DOCK4: variants seen among roughly 807,000 people sequenced by gnomAD.
The protein encoded by DOCK4 is dedicator of cytokinesis 4, also known as dedicator of cytokinesis protein 4.
DOCK4 carries 97 observed loss-of-function variants against 268.1 expected under a neutral mutation model. That is an observed-to-expected ratio of 0.36 (90% CI 0.31 to 0.43). The LOEUF is 0.43. DOCK4 is among the 20% of genes least tolerant of loss of function. The pLI is 1.00. For missense variants in DOCK4, 2,145 were observed against 2,455.7 expected (o/e 0.87, Z 2.67); for synonymous variants, 954 against 887.2 (o/e 1.08, Z -1.34).
At chr7:111,777,593 T>C (rs1338757512) in intron 36 of DOCK4, among the ~76,000 whole-genome samples, 2 of 152,196 alleles carry the variant, frequency 1.3e-5, no homozygotes, top group Admixed American at 6.5e-5. Flanking sequence ...ATGAGACCTA[T>C]ATAGTTGTAA....
At chr7:112,138,734 A>G (rs4727762) in intron 1 of DOCK4, among the ~76,000 whole-genome samples, 48,265 of 152,018 alleles carry the variant, frequency 0.32, 9,567 homozygotes, top group South Asian at 0.46. Flanking sequence ...CAGTTTGGAG[A>G]TGGGGCCTCT....
chr7:112,170,458 C>CT (rs1298749888), intron 1 of DOCK4, among the ~76,000 whole-genome samples: 1 of 151,640 alleles, frequency 6.6e-6, no homozygotes, highest in Non-Finnish European at 1.5e-5. Context: ...AATACCCCGT[C>CT]TTAAAAAAAA....
intron 1 of DOCK4, among the ~76,000 whole-genome samples, chr7:112,187,533 CTT>C (rs1819580579): frequency 6.6e-6 from 1 of 152,156 alleles, no homozygotes; most frequent in African/African-American, 2.4e-5. Flanking sequence ...TTTTACAAGT[CTT>C]TGTCTGATTT....
chr7:112,184,916 G>A (rs1274259162), intron 1 of DOCK4, among the ~76,000 whole-genome samples: 1 of 152,094 alleles, frequency 6.6e-6, no homozygotes, highest in African/African-American at 2.4e-5. Context: ...CTCATGCTTG[G>A]AAAGCACTTT....
chr7:112,006,851 T>A (rs571853717), intron 1 of DOCK4, among the ~76,000 whole-genome samples: 1 of 152,340 alleles, frequency 6.6e-6, no homozygotes, highest in East Asian at 1.9e-4. Flanking sequence ...CAGCATCTCA[T>A]GAGGCCCTTA....
At chr7:111,984,955 G>A (rs1229483008) in intron 6 of DOCK4, among the ~76,000 whole-genome samples, 2 of 152,226 alleles carry the variant, frequency 1.3e-5, no homozygotes, top group Non-Finnish European at 2.9e-5. Context: ...AATGGGGGAA[G>A]AGTTTTGGGC....
intron 13 of DOCK4, among the ~76,000 whole-genome samples, chr7:111,910,889 G>A (rs1292954045): frequency 1.3e-5 from 2 of 152,214 alleles, no homozygotes; most frequent in African/African-American, 4.8e-5. Flanking sequence ...TGATGACTCA[G>A]AAGCATATGG....
In DOCK4 at chr7:111,728,177, A is replaced by T; in HGVS notation, c.*97T>A. On this transcript the variant is annotated 3_prime_UTR_variant, in exon 53 of 53. Coordinates refer to ENST00000428084, the MANE Select transcript of DOCK4 (RefSeq NM_001363540.2). Reference sequence around the variant, plus strand: ...TTAATTCCATTCATCGAAGGAGCTGAGTAAGTTATTAAAGTGCCTACACTA... The same window carrying T: ...TTAATTCCATTCATCGAAGGAGCTGTGTAAGTTATTAAAGTGCCTACACTA... 1.0e-5 allele frequency: 9 copies of T among 885,108 alleles called. No individual in the cohort carries two copies. Among genetic ancestry groups the T allele is most frequent in the Non-Finnish European group, 1.4e-5 (9 of 649,332 alleles). The allele number at this position is 885,108 out of a possible 1,614,324, so 54.8% of individuals were successfully genotyped here.
chr7:111,771,804 A>T (rs1354016443), intron 36 of DOCK4, among the ~76,000 whole-genome samples: 1 of 152,120 alleles, frequency 6.6e-6, no homozygotes, highest in Non-Finnish European at 1.5e-5. Flanking sequence ...ATTCACACCT[A>T]AGGGCCTCAC....
intron 1 of DOCK4, among the ~76,000 whole-genome samples, chr7:112,080,440 T>C (rs1808476914): frequency 6.6e-6 from 1 of 152,228 alleles, no homozygotes; most frequent in Admixed American, 6.5e-5. Context: ...GAGCTTCCTT[T>C]TTCATGTAGG....
At chr7:111,969,856 C>G (rs1003021544) in intron 8 of DOCK4, among the ~76,000 whole-genome samples, 2 of 152,150 alleles carry the variant, frequency 1.3e-5, no homozygotes, top group African/African-American at 4.8e-5. Context: ...AAAGGAGACA[C>G]AGTAGCAAAT....
chr7:111,798,813 T>C (rs1200848927), intron 30 of DOCK4, among the ~76,000 whole-genome samples: 1 of 152,262 alleles, frequency 6.6e-6, no homozygotes, highest in African/African-American at 2.4e-5. Context: ...ACATTTATAC[T>C]AACTCCAAGT....
At chr7:111,970,044 T>G (rs1195843490) in intron 8 of DOCK4, among the ~76,000 whole-genome samples, 1 of 152,168 alleles carries the variant, frequency 6.6e-6, no homozygotes, top group East Asian at 1.9e-4. Context: ...GATCAGTGAT[T>G]TCCCCTCTCC....
intron 1 of DOCK4, among the ~76,000 whole-genome samples, chr7:112,086,326 C>T (rs1469860730): frequency 3.3e-5 from 5 of 152,044 alleles, no homozygotes; most frequent in Admixed American, 1.3e-4. Flanking sequence ...CACCAGTTAA[C>T]GTCTGTGTCT....
At chr7:111,876,981 T>C (rs1806944580) in intron 17 of DOCK4, 49 bp downstream of exon 17, 4 of 1,325,362 alleles carry the variant, frequency 3.0e-6, no homozygotes, top group Non-Finnish European at 3.9e-6. Context: ...TACCAAAATA[T>C]ACATGATTAT....
At chr7:111,845,087 G>A (rs901449809) in intron 24 of DOCK4, among the ~76,000 whole-genome samples, 190 bp from the exon 25 acceptor site, 8 of 152,170 alleles carry the variant, frequency 5.3e-5, no homozygotes, top group Non-Finnish European at 1.0e-4. Context: ...ACTCAGTGGT[G>A]CAATGGATAC....
chr7:112,002,439 T>C (rs1262247465), intron 2 of DOCK4, among the ~76,000 whole-genome samples: 1 of 152,194 alleles, frequency 6.6e-6, no homozygotes, highest in Non-Finnish European at 1.5e-5. Flanking sequence ...CACAATAAAT[T>C]TTATATTTAT....
Position 112,072,232 on chromosome 7 carries a change from G to GAAA in DOCK4, c.38-68104_38-68102dup, listed in dbSNP as rs10645593. On this transcript the variant is annotated intron_variant, in intron 1 of 52. Transcript: ENST00000428084. ...ACCTCTTTAAAAATTCTCACATGTG[G>GAAA]AAAAAAAATCTATCTATAACCAGAG... 8.3e-4 allele frequency among the ~76,000 whole-genome samples: 126 copies of GAAA among 151,662 alleles called. 1 individual carries two copies. The highest frequency in any genetic ancestry group is 3.4e-3 in the Middle Eastern group (1 of 292).
chr7:112,031,237 A>G lies in DOCK4; in HGVS notation c.38-27106T>C, dbSNP rs996096174. Among the ~76,000 whole-genome samples the G allele has an allele frequency of 7.9e-5, 12 of 152,348 alleles. 1 individual carries two copies. In the South Asian group the frequency reaches 1.9e-3, roughly 24 times the overall value. On this transcript the variant is annotated intron_variant, in intron 1 of 52. Coordinates refer to ENST00000428084, the MANE Select transcript of DOCK4 (RefSeq NM_001363540.2). ...AGCAAATAAGGATGGCCTTCAGCCC[A>G]GTGCATTGCCTACCCAACTGAGACA... is the stretch of plus-strand genomic sequence containing the variant.
Sources: gnomAD v4.1 joint callset for allele counts (sites outside exome capture counted in the v4.1 genomes callset) on GRCh38, gnomAD v4.1.1 for gene constraint, MANE v1.5 for transcripts, NCBI Gene and HGNC (gene_info 2026-07-23, HGNC 2026-07-21) for gene names.